TTYH1: variants seen among roughly 807,000 people sequenced by gnomAD.
TTYH1 encodes the protein tweety family member 1, also known as protein tweety homolog 1.
TTYH1 carries 33 observed loss-of-function variants against 61.2 expected under a neutral mutation model. The ratio of observed to expected loss-of-function variants is 0.54; its 90% CI spans 0.41 to 0.72. The LOEUF is 0.72. Among genes scored for constraint, TTYH1 ranks in the 30% least tolerant of loss-of-function variants. TTYH1 has a pLI of 0.00. For missense variants in TTYH1, 538 were observed against 575.8 expected (o/e 0.93, Z 0.67); for synonymous variants, 308 against 266.4 (o/e 1.16, Z -1.52).
At position 54,422,272 on chromosome 19, in the gene TTYH1, A is replaced by G. The variant is rs763939632; in HGVS notation, c.500A>G (p.Glu167Gly). 5 of 1,567,050 alleles carry G rather than the reference A, an allele frequency of 3.2e-6. No individual in the cohort carries two copies. In the Admixed American group the frequency reaches 9.7e-5, roughly 30 times the overall value. ...GAGGAGGTGCTCGAGCCGCGCACGGAGCTGGTGGCTGCCGCCCGAGGGGCT... is the reference window on the plus strand; with the variant it reads ...GAGGAGGTGCTCGAGCCGCGCACGGGGCTGGTGGCTGCCGCCCGAGGGGCT... ...TLEEVLEPRT[E>G]LVAAARGARR... Residue 167 changes from glutamate to glycine, a missense_variant, in exon 4 of 14, where the codon GAG (glutamate) becomes GGG (glycine). Coordinates refer to ENST00000376530, the MANE Select transcript of TTYH1 (RefSeq NM_020659.4).
At position 54,426,922 on chromosome 19, in the gene TTYH1, G is replaced by A. The variant is rs531401844; in HGVS notation, c.734+154G>A. Among the ~76,000 whole-genome samples the A allele has an allele frequency of 7.2e-5, 11 of 152,246 alleles. No homozygotes were observed. In the East Asian group the frequency reaches 1.2e-3, roughly 16 times the overall value. Reference sequence around the variant, plus strand: ...AGTCAGAGCAGCCCAGGAGGGAGGCGGGGACAGACCTGAAAACAGGCAGCC... The same window carrying A: ...AGTCAGAGCAGCCCAGGAGGGAGGCAGGGACAGACCTGAAAACAGGCAGCC... On this transcript the variant is annotated intron_variant, in intron 5 of 13. Transcript: ENST00000376530.
intron 4 of TTYH1, 54 bp downstream of exon 4, chr19:54,422,464 C>T (rs771154978): frequency 1.7e-5 from 25 of 1,433,196 alleles, no homozygotes; most frequent in Non-Finnish European, 2.1e-5. Flanking sequence ...GCGGAGTCCC[C>T]GGGGGGACAG....
At position 54,430,911 on chromosome 19, in the gene TTYH1, T is replaced by G; in HGVS notation, c.1032+6T>G. ...CTCAGTTCCCTTCAGCGCAGGTCGG[T>G]GGGTGGGCGCTCCCCAGACACGCGG... On this transcript the variant is annotated splice_donor_region_variant and intron_variant, in intron 9 of 13. Transcript: ENST00000376530. 1 of 1,609,886 alleles carries G rather than the reference T, an allele frequency of 6.2e-7. No individual in the cohort carries two copies. The highest frequency in any genetic ancestry group is 8.5e-7 in the Non-Finnish European group (1 of 1,179,454).
In TTYH1 at chr19:54,415,908, TG is replaced by T; in HGVS notation, c.126+234del. The stretch of plus-strand genomic sequence containing the variant: ...TCGAGCTCTCTAAATAAGGGAAGGC[TG>T]GGGACCTGCACCCCTGAGTTCATGG... On this transcript the variant is annotated intron_variant, in intron 1 of 13. Coordinates refer to ENST00000376530, the MANE Select transcript of TTYH1 (RefSeq NM_020659.4). This position sits in a 1 kb window ranked among gnomAD's most constrained non-coding sequence, Gnocchi z 5.2. 2 of 797,380 alleles carry T rather than the reference TG, an allele frequency of 2.5e-6. No individual in the cohort carries two copies. Among genetic ancestry groups the T allele is most frequent in the Non-Finnish European group, 1.9e-6 (1 of 520,218 alleles). 49.4% of individuals were successfully genotyped at this position (797,380 alleles called of 1,614,324 possible). A position where few individuals can be genotyped will look rare whatever the true frequency, so the allele number is the denominator to read the frequency against.
At chr19:54,426,505 G>C (rs1052895067) in intron 4 of TTYH1, 168 bp from the exon 5 acceptor site, 1 of 646,198 alleles carries the variant, frequency 1.5e-6, no homozygotes, top group Non-Finnish European at 2.8e-6. Context: ...ATTTCACAGA[G>C]GACCTGGGCT....
At chr19:54,428,535 G>A (rs79908029) in intron 5 of TTYH1, among the ~76,000 whole-genome samples, 2,418 of 152,120 alleles carry the variant, frequency 0.016, 34 homozygotes, top group Non-Finnish European at 0.027. Context: ...CCTTCTCCCT[G>A]TTTAACAGAG....
Position 54,436,232 on chromosome 19 carries a change from C to G in TTYH1, c.*42+61C>G. 1.9e-6 allele frequency: 3 copies of G among 1,607,536 alleles called. No homozygotes were observed. The South Asian group carries it at 3.3e-5, about 18-fold the overall frequency. ...GGGCCTCTGCCCCCCTCCCGCCCTC[C>G]GAGCTGCTCCAGGCATGGGCTGCGT... On this transcript the variant is annotated intron_variant, in intron 13 of 13. Coordinates refer to ENST00000376530, the MANE Select transcript of TTYH1 (RefSeq NM_020659.4). This position sits in a 1 kb window ranked among gnomAD's most constrained non-coding sequence, Gnocchi z 4.3.
At chr19:54,423,890 C>G (rs187951619) in intron 4 of TTYH1, among the ~76,000 whole-genome samples, 8 of 152,176 alleles carry the variant, frequency 5.3e-5, no homozygotes, top group East Asian at 1.9e-4. Flanking sequence ...GGACCAGGCA[C>G]GGTGGTTCAC....
In TTYH1 at chr19:54,419,334, G is replaced by T; in HGVS notation, c.305+28G>T. 6.3e-7 allele frequency: 1 copy of T among 1,576,346 alleles called. No homozygotes were observed. Among genetic ancestry groups the T allele is most frequent in the South Asian group, 1.1e-5 (1 of 88,876 alleles). ...AATGGGGCCCCAGGGTGGGTGGGCG[G>T]TGGGGACAGGGCTCCCCAAGCTCTT... On this transcript the variant is annotated intron_variant, in intron 2 of 13. Coordinates refer to ENST00000376530, the MANE Select transcript of TTYH1 (RefSeq NM_020659.4). The surrounding 1 kb of genome is among the most constrained non-coding windows in gnomAD (Gnocchi z 6.1).
chr19:54,420,701 G>C lies in TTYH1; in HGVS notation c.306-576G>C. The C allele has an allele frequency of 1.2e-5, 2 of 168,042 alleles. No individual in the cohort carries two copies. The highest frequency in any genetic ancestry group is 1.3e-4 in the Admixed American group (2 of 15,506). 10.4% of individuals were successfully genotyped at this position (168,042 alleles called of 1,614,324 possible). ...TTACTTCCCTCCCAGCTGGCCCGAC[G>C]CTTGGGTCCCGGGTGGGGGAAGGCC... is the stretch of plus-strand genomic sequence containing the variant. On this transcript the variant is annotated intron_variant, in intron 2 of 13. Coordinates refer to ENST00000376530, the MANE Select transcript of TTYH1 (RefSeq NM_020659.4). The surrounding 1 kb of genome is among the most constrained non-coding windows in gnomAD (Gnocchi z 4.8).
chr19:54,436,064 C>A lies in TTYH1; in HGVS notation c.1315-27C>A, dbSNP rs1449882298. 6.2e-7 allele frequency: 1 copy of A among 1,610,770 alleles called. No individual in the cohort carries two copies. The highest frequency in any genetic ancestry group is 1.3e-5 in the African/African-American group (1 of 74,830). On this transcript the variant is annotated intron_variant, in intron 12 of 13. Coordinates refer to ENST00000376530, the MANE Select transcript of TTYH1 (RefSeq NM_020659.4). The surrounding 1 kb of genome is among the most constrained non-coding windows in gnomAD (Gnocchi z 4.3). The stretch of plus-strand genomic sequence containing the variant: ...CAATTCCCACTCCATTCCCTCCTCT[C>A]CCCCGCTACCCCGAATCTCCTAGCA...
rs1599887025 is a variant in TTYH1, at chr19:54,420,514, G to A, written c.306-763G>A. ...AGCCGGGGCTGGGAACCGGGAGGGT[G>A]TCAGGCTCCCGCCCCCTCCACTGCG... On this transcript the variant is annotated intron_variant, in intron 2 of 13. Coordinates refer to ENST00000376530, the MANE Select transcript of TTYH1 (RefSeq NM_020659.4). The surrounding 1 kb of genome is among the most constrained non-coding windows in gnomAD (Gnocchi z 4.8). 1.3e-5 allele frequency among the ~76,000 whole-genome samples: 2 copies of A among 151,914 alleles called. No individual in the cohort carries two copies. The highest frequency in any genetic ancestry group is 4.8e-5 in the African/African-American group (2 of 41,350).
chr19:54,422,419 CT>C lies in TTYH1; in HGVS notation c.638+10del. The C allele has an allele frequency of 6.6e-7, 1 of 1,517,744 alleles. No homozygotes were observed. The highest frequency in any genetic ancestry group is 8.9e-7 in the Non-Finnish European group (1 of 1,126,030). The allele number at this position is 1,517,744 out of a possible 1,614,324, so 94.0% of individuals were successfully genotyped here. A position where few individuals can be genotyped will look rare whatever the true frequency, so the allele number is the denominator to read the frequency against. On this transcript the variant is annotated intron_variant, in intron 4 of 13. Transcript: ENST00000376530. ...TTTGTGGAGGAGTACAGGTGAGACG[CT>C]GCTCTTCTTGCTCTCTGTGCCGGCA... is the stretch of plus-strand genomic sequence containing the variant.
chr19:54,424,147 C>T (rs544319129), intron 4 of TTYH1, among the ~76,000 whole-genome samples: 6 of 149,282 alleles, frequency 4.0e-5, no homozygotes, highest in Middle Eastern at 3.4e-3. Flanking sequence ...GGTGACGGAG[C>T]GAGAATCCGT....
intron 9 of TTYH1, 56 bp downstream of exon 9, chr19:54,430,961 C>A (rs933288005): frequency 2.9e-6 from 4 of 1,384,390 alleles, no homozygotes; most frequent in African/African-American, 3.1e-5. Flanking sequence ...GCGGACGGGG[C>A]GGGATGGAGC....
Position 54,435,655 on chromosome 19 carries a change from G to T in TTYH1, c.1239G>T (p.Leu413=). The T allele has an allele frequency of 1.9e-6, 3 of 1,611,168 alleles. No homozygotes were observed. The highest frequency in any genetic ancestry group is 2.2e-5 in the East Asian group (1 of 44,856). ...CGCTGGCCACTGCCCTCTGCAGCCT[G>T]CCCCGAGCCTGGGCCCTCTTCCCAC... is the stretch of plus-strand genomic sequence containing the variant. ...AGALATALCS[L]PRAWALFPPS... Residue 413 remains leucine (L), a synonymous_variant, in exon 11 of 14, where the codon CTG becomes CTT. Coordinates refer to ENST00000376530, the MANE Select transcript of TTYH1 (RefSeq NM_020659.4).
Position 54,435,525 on chromosome 19 carries a change from T to C in TTYH1, c.1126-17T>C, listed in dbSNP as rs1305246275. ...GAGGGGGTGGGGACGCATGGCCTGA[T>C]GACGCCCTCCCCTCAGGACTATGGT... On this transcript the variant is annotated splice_polypyrimidine_tract_variant and intron_variant, in intron 10 of 13. Transcript: ENST00000376530. 3 of 1,578,860 alleles carry C rather than the reference T, an allele frequency of 1.9e-6. No homozygotes were observed. The highest frequency in any genetic ancestry group is 2.6e-6 in the Non-Finnish European group (3 of 1,165,772).
Position 54,429,522 on chromosome 19 carries a change from G to A in TTYH1, c.807+143G>A. ...CTCTGAGGTTTAGGGCTTGTTTCCT[G>A]GGGCCTGAGTGGGTACAGATTGGTG... On this transcript the variant is annotated intron_variant, in intron 6 of 13. Coordinates refer to ENST00000376530, the MANE Select transcript of TTYH1 (RefSeq NM_020659.4). This position sits in a 1 kb window ranked among gnomAD's most constrained non-coding sequence, Gnocchi z 5.1. 1 of 777,342 alleles carries A rather than the reference G, an allele frequency of 1.3e-6. No individual in the cohort carries two copies. Among genetic ancestry groups the A allele is most frequent in the Non-Finnish European group, 2.1e-6 (1 of 474,956 alleles). The allele number at this position is 777,342 out of a possible 1,614,324, so 48.2% of individuals were successfully genotyped here.
Position 54,435,572 on chromosome 19 carries a change from G to A in TTYH1, c.1156G>A (p.Glu386Lys), listed in dbSNP as rs1325981551. The A allele has an allele frequency of 4.4e-6, 7 of 1,608,978 alleles. No individual in the cohort carries two copies. The highest frequency in any genetic ancestry group is 2.0e-4 in the Middle Eastern group (1 of 4,900). The stretch of plus-strand genomic sequence containing the variant: ...TGGTGCAGCCCTGCGGGGCCTGTGC[G>A]AAGACGCCCTGGAAGGCCTGCTCTT... Reference protein sequence around the residue: ...DYGAALRGLCEDALEGLLFLL... With the variant: ...DYGAALRGLCKDALEGLLFLL... The change falls in exon 11 of 14, where the codon GAA becomes AAA. Residue 386 changes from glutamate (E) to lysine (K), a missense_variant. Physicochemically the swap from Glu to Lys is moderately conservative, Grantham distance 56. Around this residue, in one of 3 missense-constraint regions of TTYH1, gnomAD observed 378 missense variants for 401.2 expected, o/e 0.94. Transcript: ENST00000376530.
Sources: allele counts gnomAD v4.1 joint callset (sites outside exome capture counted in the v4.1 genomes callset), GRCh38; gene constraint gnomAD v4.1.1; regional missense constraint gnomAD v4.1.1; non-coding constraint Gnocchi (gnomAD v3.1); transcripts MANE v1.5; gene names NCBI Gene and HGNC (gene_info 2026-07-23, HGNC 2026-07-21).